The following ARPP21 variants were observed in gnomAD, a reference collection of about 807,000 sequenced individuals.
The protein encoded by ARPP21 is cAMP regulated phosphoprotein 21, also known as cAMP-regulated phosphoprotein 21.
ARPP21 carries 69 observed loss-of-function variants against 113.2 expected under a neutral mutation model. The ratio of observed to expected loss-of-function variants is 0.61; its 90% confidence interval spans 0.50 to 0.74. The LOEUF is 0.74. Ranked by LOEUF, ARPP21 falls within the 30% of genes least tolerant of loss-of-function variation. The pLI, the probability that ARPP21 is intolerant of heterozygous loss-of-function variation, is 0.00. For missense variants in ARPP21, 1,070 were observed against 1,037.4 expected (o/e 1.03, Z -0.43); for synonymous variants, 368 against 375.5 (o/e 0.98, Z 0.23).
intron 19 of ARPP21, among the ~76,000 whole-genome samples, chr3:35,760,007 T>C (rs1260442278): frequency 6.6e-6 from 1 of 152,068 alleles, no homozygotes; most frequent in Non-Finnish European, 1.5e-5. Context: ...AGCCACTCGG[T>C]TGTTGTAAGA....
intron 11 of ARPP21, among the ~76,000 whole-genome samples, chr3:35,710,316 A>T (rs2150060821): frequency 6.6e-6 from 1 of 152,238 alleles, no homozygotes; most frequent in African/African-American, 2.4e-5. Flanking sequence ...ATTTTAGATA[A>T]TGCAAAATAC....
intron 9 of ARPP21, among the ~76,000 whole-genome samples, chr3:35,705,925 T>C (rs2149969327): frequency 6.6e-6 from 1 of 152,314 alleles, no homozygotes; most frequent in East Asian, 1.9e-4. Context: ...AAACTACTTC[T>C]TTATTTTCAA....
rs777243295 is a variant in ARPP21 at position 35,743,962 on chromosome 3, G to A, written c.2134G>A (p.Ala712Thr). Residue 712 changes from alanine to threonine, a missense_variant, in exon 19 of 21, where the codon GCA becomes ACA. Physicochemically the swap from Ala to Thr is moderately conservative, Grantham distance 58. Transcript: ENST00000684406. ...ACAGATGCCACAGGCAGCACAGCAA[G>A]CAGGTACTTGGAATCTGTTTCCCAT... ...SQQMPQAAQQ[A>T]GYQPVLSGQQ... 10 of 1,614,060 alleles carry A rather than the reference G, an allele frequency of 6.2e-6. No individual in the cohort carries two copies. Among genetic ancestry groups the A allele is most frequent in the Admixed American group, 1.7e-5 (1 of 60,014 alleles).
At chr3:35,681,954 T>C (rs2079036937) in intron 3 of ARPP21, 74 bp downstream of exon 3, 2 of 1,462,662 alleles carry the variant, frequency 1.4e-6, no homozygotes, top group Admixed American at 4.3e-5. Flanking sequence ...CAGAATACTT[T>C]AGAGATTTAT....
chr3:35,698,071 A>G (rs1263646999), intron 9 of ARPP21, among the ~76,000 whole-genome samples: 1 of 151,630 alleles, frequency 6.6e-6, no homozygotes, highest in Admixed American at 6.6e-5. Context: ...CTAGTTGCCA[A>G]AGATCAGAAA....
intron 11 of ARPP21, among the ~76,000 whole-genome samples, chr3:35,713,028 T>C (rs1219591299): frequency 2.0e-5 from 3 of 152,066 alleles, no homozygotes; most frequent in East Asian, 1.9e-4. Context: ...TCCTCTTCAG[T>C]GGGGATGGGT....
intron 19 of ARPP21, among the ~76,000 whole-genome samples, chr3:35,782,795 C>G (rs1284476317): frequency 6.6e-6 from 1 of 152,072 alleles, no homozygotes. Flanking sequence ...GCAAGAAAAA[C>G]AAAACTATAA....
At chr3:35,773,247 A>G (rs1230096472) in intron 19 of ARPP21, among the ~76,000 whole-genome samples, 1 of 152,158 alleles carries the variant, frequency 6.6e-6, no homozygotes, top group African/African-American at 2.4e-5. Flanking sequence ...TGCTTTCTAT[A>G]TACCAGACAG....
chr3:35,728,120 A>G (rs2093666836), intron 14 of ARPP21, among the ~76,000 whole-genome samples: 3 of 149,692 alleles, frequency 2.0e-5, no homozygotes, highest in Admixed American at 1.3e-4. Flanking sequence ...GTAAAATTCA[A>G]TGCAGTACCA....
At position 35,667,937 on chromosome 3, in the gene ARPP21, G is replaced by GAA. The variant is rs1280620619; in HGVS notation, c.-212-11850_-212-11849insAA. ...AGGAGGAGGAGGAGGAGGAGGAGAA[G>GAA]GAGAAGAAGAAAAGAAGAAGAAGAA... On this transcript the variant is annotated intron_variant, in intron 1 of 20. Transcript: ENST00000684406. Among the ~76,000 whole-genome samples, 209 of 137,928 alleles carry GAA rather than the reference G, an allele frequency of 1.5e-3. 11 individuals are homozygous for GAA. Among genetic ancestry groups the GAA allele is most frequent in the African/African-American group, 5.4e-3 (189 of 34,964 alleles). The allele number at this position is 137,928 out of a possible 152,430, so 90.5% of individuals were successfully genotyped here.
At chr3:35,749,839 A>G (rs2095335768) in intron 19 of ARPP21, among the ~76,000 whole-genome samples, 2 of 152,088 alleles carry the variant, frequency 1.3e-5, no homozygotes, top group Admixed American at 6.6e-5. Context: ...GCTGAATTTA[A>G]GAGTATAAAA....
intron 14 of ARPP21, among the ~76,000 whole-genome samples, chr3:35,724,174 A>G (rs570306592): frequency 3.9e-5 from 6 of 152,350 alleles, no homozygotes; most frequent in East Asian, 3.9e-4. Flanking sequence ...GGAAGGAAGC[A>G]TATTACTGAA....
chr3:35,769,541 A>G (rs546154906), intron 19 of ARPP21, among the ~76,000 whole-genome samples: 121 of 152,260 alleles, frequency 7.9e-4, no homozygotes, highest in African/African-American at 2.6e-3. Flanking sequence ...CTGTCAAAAC[A>G]CTGCTTCATT....
At chr3:35,775,068 A>G (rs1222167198) in intron 19 of ARPP21, 1 of 152,122 alleles carries the variant, frequency 6.6e-6, no homozygotes, top group Non-Finnish European at 1.5e-5. Flanking sequence ...TAATATAACC[A>G]TTCTATCCCA....
chr3:35,728,152 T>TTAATAATAATAA (rs3086922), intron 14 of ARPP21, among the ~76,000 whole-genome samples: 1 of 129,590 alleles, frequency 7.7e-6, no homozygotes, highest in African/African-American at 2.9e-5. Flanking sequence ...ATATATTACA[T>TTAATAATAATAA]TAATAATAAT....
intron 11 of ARPP21, among the ~76,000 whole-genome samples, chr3:35,709,629 C>CA (rs1047397655): frequency 5.3e-5 from 8 of 151,144 alleles, no homozygotes; most frequent in African/African-American, 1.2e-4. Context: ...ATCCGAACAA[C>CA]AAAAAAAATG....
intron 14 of ARPP21, among the ~76,000 whole-genome samples, chr3:35,728,514 A>C (rs1056887274): frequency 1.4e-5 from 2 of 139,158 alleles, no homozygotes; most frequent in African/African-American, 5.1e-5. Flanking sequence ...CACTGTGCCC[A>C]GCCCATCCTT....
At chr3:35,773,239 C>T (rs912733305) in intron 19 of ARPP21, among the ~76,000 whole-genome samples, 4 of 152,128 alleles carry the variant, frequency 2.6e-5, no homozygotes, top group Non-Finnish European at 5.9e-5. Context: ...AACTTGAGTG[C>T]TTTCTATATA....
intron 19 of ARPP21, among the ~76,000 whole-genome samples, chr3:35,767,074 A>G (rs1013327871): frequency 6.6e-6 from 1 of 152,164 alleles, no homozygotes; most frequent in African/African-American, 2.4e-5. Context: ...GACTAAGCAC[A>G]AATCATTCCT....
Sources: gnomAD v4.1 joint callset for allele counts (sites outside exome capture counted in the v4.1 genomes callset) on GRCh38, gnomAD v4.1.1 for gene constraint, MANE v1.5 for transcripts, NCBI Gene and HGNC (gene_info 2026-07-23, HGNC 2026-07-21) for gene names.